The following IGSF10 variants were observed in gnomAD, a reference collection of about 807,000 sequenced individuals.
IGSF10 encodes the protein calvaria mechanical force protein 608.
In IGSF10, 126 loss-of-function variants were observed where a neutral mutation model predicts 128.2. The observed-to-expected ratio is 0.98, with a 90% confidence interval of 0.85 to 1.14. The LOEUF (loss-of-function observed/expected upper bound fraction) is 1.14, where lower values mean the gene tolerates loss of function less well. Ranked by LOEUF, IGSF10 falls within the 50% of genes most tolerant of loss-of-function variation. The probability of loss-of-function intolerance (pLI) is 0.00; values close to 1 mark genes in which losing one functional copy is unlikely to be tolerated. For synonymous variants in IGSF10, 1,185 were observed against 1,146.2 expected, an observed-to-expected ratio of 1.03 and a Z score of -0.68; for missense variants, 3,295 against 3,149.8, an observed-to-expected ratio of 1.05 and a Z score of -1.10.
At chr3:151,504,292 TCTCA>T in the IGSF10 span, among the ~76,000 whole-genome samples, 1 of 152,196 alleles carries the variant, frequency 6.6e-6, no homozygotes, top group African/African-American at 2.4e-5. Flanking sequence ...TCATAATTTT[TCTCA>T]CTGTTATAAA....
intron 4 of IGSF10, among the ~76,000 whole-genome samples, chr3:151,454,248 C>T (rs1292743894): frequency 2.0e-5 from 3 of 152,054 alleles, no homozygotes; most frequent in Admixed American, 6.5e-5. Context: ...AAACTCCTGA[C>T]CTCAGGTGAT....
In IGSF10 at chr3:151,437,045, A is replaced by AGAT. The variant is rs757504751; in HGVS notation, c.7513_7515dup (p.Ile2505dup). On this transcript the variant is annotated inframe_insertion, in exon 8 of 8. Transcript: ENST00000282466. ...TGACCAACACTATTTTGAGCCTTAC[A>AGAT]GATATAGTTTCCTCTGTCATAAGCT... 88 of 1,614,202 alleles carry AGAT rather than the reference A, an allele frequency of 5.5e-5. No homozygotes were observed. Among genetic ancestry groups the AGAT allele is most frequent in the Admixed American group, 4.2e-4 (25 of 60,034 alleles).
At chr3:151,539,605 G>A in the IGSF10 span, among the ~76,000 whole-genome samples, 1 of 152,060 alleles carries the variant, frequency 6.6e-6, no homozygotes, top group Non-Finnish European at 1.5e-5. Flanking sequence ...AGAAAAAAAT[G>A]TGTCATAGTC....
the IGSF10 span, among the ~76,000 whole-genome samples, chr3:151,470,177 T>C: frequency 6.6e-6 from 1 of 152,204 alleles, no homozygotes; most frequent in South Asian, 2.1e-4. Flanking sequence ...TCTCATTCAG[T>C]ACATAGATGA....
At chr3:151,613,409 A>G in the IGSF10 span, among the ~76,000 whole-genome samples, 2 of 152,186 alleles carry the variant, frequency 1.3e-5, no homozygotes, top group African/African-American at 4.8e-5. Flanking sequence ...GCATCACGCT[A>G]CCTGACTTCA....
chr3:151,547,018 C>CCG, the IGSF10 span, among the ~76,000 whole-genome samples: 1 of 152,030 alleles, frequency 6.6e-6, no homozygotes, highest in African/African-American at 2.4e-5. Context: ...CGATCCACCC[C>CCG]CCCCTTGGCC....
chr3:151,442,487 C>T (rs1047499066), intron 7 of IGSF10, among the ~76,000 whole-genome samples: 2 of 147,480 alleles, frequency 1.4e-5, no homozygotes, highest in African/African-American at 5.0e-5. Flanking sequence ...TCAAGCAATT[C>T]TCCTGCCTCA....
upstream of IGSF10, among the ~76,000 whole-genome samples, chr3:151,464,466 T>C (rs1722211723): frequency 6.6e-6 from 1 of 151,370 alleles, no homozygotes; most frequent in African/African-American, 2.4e-5. Context: ...ATCCTTAATT[T>C]ATCATCCATA....
chr3:151,448,556 AATCATAGTCC>A lies in IGSF10; in HGVS notation c.1415_1424del (p.Trp472PhefsTer15). 1 of 1,614,204 alleles carries A rather than the reference AATCATAGTCC, an allele frequency of 6.2e-7. No individual in the cohort carries two copies. The highest frequency in any genetic ancestry group is 8.5e-7 in the Non-Finnish European group (1 of 1,180,032). ...CCAGCTTAGTATTGTTATCCCTTGA[AATCATAGTCC>A]ATTTGTGTTTCACTGGCCTCATCTC... On this transcript the variant is annotated frameshift_variant, in exon 6 of 8. Transcript: ENST00000282466. LOFTEE classifies it high-confidence loss of function.
chr3:151,511,467 A>G, the IGSF10 span, among the ~76,000 whole-genome samples: 1 of 152,342 alleles, frequency 6.6e-6, no homozygotes, highest in African/African-American at 2.4e-5. Flanking sequence ...TGAAGGAAGC[A>G]CTAAACATGG....
At chr3:151,497,117 C>A in the IGSF10 span, among the ~76,000 whole-genome samples, 110 of 152,192 alleles carry the variant, frequency 7.2e-4, 3 homozygotes, top group Non-Finnish European at 3.4e-4. Flanking sequence ...TTCTCCCATT[C>A]TGTAGGTTGC....
chr3:151,440,942 C>A (rs769017110), intron 7 of IGSF10, among the ~76,000 whole-genome samples: 2 of 152,178 alleles, frequency 1.3e-5, no homozygotes, highest in Non-Finnish European at 2.9e-5. Flanking sequence ...CAATAGGTCT[C>A]GCCAAGGATG....
intron 6 of IGSF10, among the ~76,000 whole-genome samples, chr3:151,444,184 G>A (rs1721044944): frequency 6.6e-6 from 1 of 152,020 alleles, no homozygotes; most frequent in Admixed American, 6.6e-5. Context: ...GGTTCAGATA[G>A]GAGGATTGCT....
chr3:151,502,570 T>C, the IGSF10 span, among the ~76,000 whole-genome samples: 7 of 151,992 alleles, frequency 4.6e-5, no homozygotes, highest in East Asian at 1.9e-4. Context: ...GAACCTAGGG[T>C]ATTTACTTCG....
At chr3:151,444,651 T>C (rs1276147552) in intron 6 of IGSF10, among the ~76,000 whole-genome samples, 2 of 152,214 alleles carry the variant, frequency 1.3e-5, no homozygotes, top group African/African-American at 2.4e-5. Flanking sequence ...AAAAGCCAGA[T>C]GGTTCAACAC....
At chr3:151,520,115 G>A in the IGSF10 span, among the ~76,000 whole-genome samples, 1 of 151,578 alleles carries the variant, frequency 6.6e-6, no homozygotes, top group Non-Finnish European at 1.5e-5. Flanking sequence ...AAAAAAAAGT[G>A]GTAGCTTACA....
chr3:151,441,053 G>A (rs2108536193), intron 7 of IGSF10, among the ~76,000 whole-genome samples: 1 of 152,320 alleles, frequency 6.6e-6, no homozygotes, highest in South Asian at 2.1e-4. Context: ...GGGCTTTTAA[G>A]AACAGATTGC....
chr3:151,489,628 A>T, the IGSF10 span, among the ~76,000 whole-genome samples: 5 of 152,216 alleles, frequency 3.3e-5, no homozygotes, highest in African/African-American at 1.2e-4. Context: ...GCACCATGGA[A>T]TACTATGCAG....
At chr3:151,505,812 A>C in the IGSF10 span, among the ~76,000 whole-genome samples, 1 of 152,172 alleles carries the variant, frequency 6.6e-6, no homozygotes, top group South Asian at 2.1e-4. Flanking sequence ...TGATTAAGGG[A>C]CTAGTTGATA....
Sources: gnomAD v4.1 joint callset for allele counts (sites outside exome capture counted in the v4.1 genomes callset) on GRCh38, gnomAD v4.1.1 for gene constraint, MANE v1.5 for transcripts, NCBI Gene and HGNC (gene_info 2026-07-23, HGNC 2026-07-21) for gene names.